Variants in MUSK observed in about 807,000 individuals in gnomAD.
MUSK encodes muscle, skeletal receptor tyrosine-protein kinase.
In MUSK, 55 loss-of-function variants were observed where a neutral mutation model predicts 88.7. That is an observed-to-expected ratio of 0.62 (90% CI 0.50 to 0.78). MUSK has a LOEUF of 0.78. Among genes scored for constraint, MUSK ranks in the 30% least tolerant of loss-of-function variants. MUSK has a pLI of 0.00. For missense variants in MUSK, 1,015 were observed against 1,074.3 expected (o/e 0.94, Z 0.77); for synonymous variants, 387 against 391.9 (o/e 0.99, Z 0.15).
intron 8 of MUSK, among the ~76,000 whole-genome samples, chr9:110,762,661 C>G (rs2077419216): frequency 6.6e-6 from 1 of 152,068 alleles, no homozygotes; most frequent in Non-Finnish European, 1.5e-5. Flanking sequence ...AAATGGAACC[C>G]AGAACTGCCA....
At chr9:110,706,865 A>G (rs1176695335) in intron 5 of MUSK, among the ~76,000 whole-genome samples, 2 of 152,072 alleles carry the variant, frequency 1.3e-5, no homozygotes, top group African/African-American at 4.8e-5. Flanking sequence ...TTAGCCGGGC[A>G]TGGTGGTGCA....
intron 5 of MUSK, among the ~76,000 whole-genome samples, chr9:110,712,158 T>TG (rs200606856): frequency 0.045 from 3,346 of 74,994 alleles, 130 homozygotes; most frequent in African/African-American, 0.13. Context: ...ATGTTTATTC[T>TG]GAAAAAAAAA....
At chr9:110,714,502 G>T (rs989756972) in intron 5 of MUSK, among the ~76,000 whole-genome samples, 1 of 152,164 alleles carries the variant, frequency 6.6e-6, no homozygotes, top group African/African-American at 2.4e-5. Context: ...CTCCTTCAGA[G>T]TTGGAGCCAC....
chr9:110,787,354 T>C (rs1356400298), intron 13 of MUSK, among the ~76,000 whole-genome samples: 10 of 91,578 alleles, frequency 1.1e-4, no homozygotes, highest in African/African-American at 3.8e-4. Flanking sequence ...AGAGTGAGAC[T>C]CTGTCTCAAA....
chr9:110,678,906 G>T (rs955464570), intron 1 of MUSK, among the ~76,000 whole-genome samples: 1 of 150,178 alleles, frequency 6.7e-6, no homozygotes, highest in African/African-American at 2.5e-5. Context: ...TTGTTTTTTT[G>T]CTATCTTTTT....
In MUSK at chr9:110,682,752, C is replaced by T; in HGVS notation, c.158C>T (p.Ser53Phe). The stretch of plus-strand genomic sequence containing the variant: ...GCTACTTTCATGTGTGCAGTGGAAT[C>T]CTACCCCCAGCCTGAGATTTCCTGG... ...EVATFMCAVE[S>F]YPQPEISWTR... Residue 53 changes from serine to phenylalanine, a missense_variant, in exon 2 of 15, where the codon TCC becomes TTC. Physicochemically the swap from Ser to Phe is radical, Grantham distance 155 (BLOSUM62 -2). Transcript: ENST00000374448. 1 of 1,612,738 alleles carries T rather than the reference C, an allele frequency of 6.2e-7. No homozygotes were observed. The highest frequency in any genetic ancestry group is 8.5e-7 in the Non-Finnish European group (1 of 1,179,034).
chr9:110,770,489 G>A (rs2077557210), intron 9 of MUSK, among the ~76,000 whole-genome samples: 1 of 144,552 alleles, frequency 6.9e-6, no homozygotes, highest in Admixed American at 7.0e-5. Context: ...TATAATTATA[G>A]TTTATAATAA....
chr9:110,683,611 G>T (rs540607268), intron 2 of MUSK, among the ~76,000 whole-genome samples: 1 of 150,710 alleles, frequency 6.6e-6, no homozygotes. Context: ...AGTGTACAAG[G>T]ATTCCCTTAT....
At chr9:110,686,546 ATAAT>A (rs1365127430) in intron 2 of MUSK, among the ~76,000 whole-genome samples, 1 of 152,122 alleles carries the variant, frequency 6.6e-6, no homozygotes, top group Non-Finnish European at 1.5e-5. Flanking sequence ...TGGTTTGCAT[ATAAT>A]TAAATAGGTA....
chr9:110,683,587 A>C (rs2076159109), intron 2 of MUSK, among the ~76,000 whole-genome samples: 1 of 152,090 alleles, frequency 6.6e-6, no homozygotes, highest in South Asian at 2.1e-4. Context: ...ACCAATTTAC[A>C]TTCCCACATC....
chr9:110,800,859 C>G lies in MUSK; in HGVS notation c.2481C>G (p.Cys827Trp), dbSNP rs1380591791. The change falls in exon 15 of 15, where the codon TGC becomes TGG. Residue 827 changes from cysteine (C) to tryptophan (W), a missense_variant. Cys to Trp is a radical substitution (Grantham distance 215). Coordinates refer to ENST00000374448, the MANE Select transcript of MUSK (RefSeq NM_005592.4). ...DGNILSCPEN[C>W]PVELYNLMRL... ...ACATCCTCTCCTGCCCTGAGAACTG[C>G]CCCGTGGAGCTGTACAATCTCATGC... 1 of 1,602,170 alleles carries G rather than the reference C, an allele frequency of 6.2e-7. No homozygotes were observed. The highest frequency in any genetic ancestry group is 8.5e-7 in the Non-Finnish European group (1 of 1,172,970).
At position 110,802,058 on chromosome 9, in the gene MUSK, T is replaced by G. The variant is rs550915262; in HGVS notation, c.*1070T>G. 2.0e-5 allele frequency among the ~76,000 whole-genome samples: 3 copies of G among 152,338 alleles called. No individual in the cohort carries two copies. Among genetic ancestry groups the G allele is most frequent in the African/African-American group, 7.2e-5 (3 of 41,578 alleles). ...AAACCATAATTTATAATATGAGATT[T>G]CACAAGATACACTTGTGGCTCTGAG... is the stretch of plus-strand genomic sequence containing the variant. On this transcript the variant is annotated 3_prime_UTR_variant, in exon 15 of 15. Coordinates refer to ENST00000374448, the MANE Select transcript of MUSK (RefSeq NM_005592.4).
At chr9:110,750,388 C>A (rs1409102088) in intron 7 of MUSK, among the ~76,000 whole-genome samples, 5 of 152,116 alleles carry the variant, frequency 3.3e-5, no homozygotes, top group African/African-American at 1.2e-4. Context: ...GTGAAGTCTG[C>A]AGCTGAACTT....
intron 6 of MUSK, among the ~76,000 whole-genome samples, chr9:110,739,092 T>C (rs4574919): frequency 1.3e-5 from 2 of 151,948 alleles, no homozygotes; most frequent in East Asian, 3.9e-4. Context: ...CTGCCAGACA[T>C]CCTTTAGATT....
chr9:110,702,088 G>A (rs1486819764), intron 5 of MUSK, among the ~76,000 whole-genome samples: 1 of 151,106 alleles, frequency 6.6e-6, no homozygotes, highest in Non-Finnish European at 1.5e-5. Context: ...TCGGATATGA[G>A]CCTAGGATTA....
At chr9:110,684,191 C>T (rs1418439111) in intron 2 of MUSK, among the ~76,000 whole-genome samples, 1 of 152,058 alleles carries the variant, frequency 6.6e-6, no homozygotes, top group Non-Finnish European at 1.5e-5. Context: ...TTTTATTCTT[C>T]TGTACATGGA....
intron 13 of MUSK, among the ~76,000 whole-genome samples, chr9:110,787,361 CA>C (rs10659550): frequency 0.015 from 1,385 of 91,182 alleles, 8 homozygotes; most frequent in African/African-American, 0.03. Context: ...GACTCTGTCT[CA>C]AAAAAAAAAA....
chr9:110,780,683 C>A (rs1254648586), intron 11 of MUSK, among the ~76,000 whole-genome samples: 1 of 152,160 alleles, frequency 6.6e-6, no homozygotes, highest in East Asian at 1.9e-4. Context: ...TCACTCTTTT[C>A]TAGCTTCTAG....
In MUSK at chr9:110,703,528, T is replaced by TA. The variant is rs530510204; in HGVS notation, c.628+6073dup. 3.6e-3 allele frequency among the ~76,000 whole-genome samples: 527 copies of TA among 146,388 alleles called. 2 individuals carry two copies. The highest frequency in any genetic ancestry group is 6.2e-3 in the Non-Finnish European group (409 of 66,260). ...CTGGGCAACAGAGTGAGACTTTGTC[T>TA]AAAAAAAAAAATTAAATAAATAAAT... On this transcript the variant is annotated intron_variant, in intron 5 of 14. Coordinates refer to ENST00000374448, the MANE Select transcript of MUSK (RefSeq NM_005592.4).
Sources: gnomAD v4.1 joint callset for allele counts (sites outside exome capture counted in the v4.1 genomes callset) on GRCh38, gnomAD v4.1.1 for gene constraint, MANE v1.5 for transcripts, NCBI Gene and HGNC (gene_info 2026-07-23, HGNC 2026-07-21) for gene names.